ENTREP1: variants seen among roughly 807,000 people sequenced by gnomAD.
ENTREP1 encodes endosomal transmembrane epsin interactor 1.
At chr9:69,344,661 G>A in the ENTREP1 span, among the ~76,000 whole-genome samples, 3 of 152,148 alleles carry the variant, frequency 2.0e-5, no homozygotes, top group Non-Finnish European at 4.4e-5. Context: ...CTGTGAGCCC[G>A]TGACCTCTAC....
chr9:69,351,326 G>A, the ENTREP1 span, among the ~76,000 whole-genome samples: 1 of 152,056 alleles, frequency 6.6e-6, no homozygotes, highest in Non-Finnish European at 1.5e-5. Flanking sequence ...TGAGTATTTA[G>A]TGAGCTTTTG....
chr9:69,360,957 AGTATAG>A, the ENTREP1 span, among the ~76,000 whole-genome samples: 2 of 152,160 alleles, frequency 1.3e-5, no homozygotes, highest in African/African-American at 4.8e-5. Context: ...TTTTTAGCTA[AGTATAG>A]GATTCCAAAA....
At chr9:69,331,211 A>G in the ENTREP1 span, among the ~76,000 whole-genome samples, 1 of 152,350 alleles carries the variant, frequency 6.6e-6, no homozygotes, top group Non-Finnish European at 1.5e-5. Flanking sequence ...CATTTACAAC[A>G]TGGCTTTTTA....
At chr9:69,367,792 T>C in the ENTREP1 span, among the ~76,000 whole-genome samples, 9 of 43,068 alleles carry the variant, frequency 2.1e-4, no homozygotes, top group East Asian at 3.5e-3. Context: ...TATACACACA[T>C]ATATATAAAT....
chr9:69,339,940 A>G, the ENTREP1 span, among the ~76,000 whole-genome samples: 1 of 152,082 alleles, frequency 6.6e-6, no homozygotes, highest in Admixed American at 6.5e-5. Context: ...TATGTACCTT[A>G]CATTTGTTGC....
chr9:69,371,564 C>T, the ENTREP1 span: 1 of 1,613,892 alleles, frequency 6.2e-7, no homozygotes. Flanking sequence ...TTATCCTAGG[C>T]TGCCAAGGGG....
the ENTREP1 span, among the ~76,000 whole-genome samples, chr9:69,340,765 G>GTGTGCGTGCA: frequency 1.1e-4 from 13 of 121,930 alleles, no homozygotes; most frequent in Non-Finnish European, 1.8e-4. Flanking sequence ...GTGCGTGCAT[G>GTGTGCGTGCA]TGTGTGTGTG....
chr9:69,341,926 C>T, the ENTREP1 span, among the ~76,000 whole-genome samples: 5 of 151,812 alleles, frequency 3.3e-5, no homozygotes, highest in Non-Finnish European at 5.9e-5. Context: ...AGAGATTTTC[C>T]CAAGGTCTAA....
At chr9:69,358,874 G>A in the ENTREP1 span, among the ~76,000 whole-genome samples, 5 of 149,916 alleles carry the variant, frequency 3.3e-5, no homozygotes, top group South Asian at 4.2e-4. Context: ...CATTAATAAA[G>A]CCTTTTTTTT....
the ENTREP1 span, among the ~76,000 whole-genome samples, chr9:69,360,156 A>G: frequency 3.9e-5 from 6 of 152,120 alleles, no homozygotes. Context: ...ATTCCATTTT[A>G]TGCTTTAAAT....
At chr9:69,391,673 C>A in the ENTREP1 span, 1 of 1,614,162 alleles carries the variant, frequency 6.2e-7, no homozygotes, top group Non-Finnish European at 8.5e-7. Context: ...TGGCCTGCTG[C>A]ACCTCCAGAG....
chr9:69,325,608 T>G, the ENTREP1 span: 4 of 1,229,450 alleles, frequency 3.3e-6, no homozygotes, highest in Non-Finnish European at 4.1e-6. Context: ...CTGCTGTCAC[T>G]TGGGCTGCTT....
At chr9:69,377,203 A>G in the ENTREP1 span, among the ~76,000 whole-genome samples, 3 of 152,198 alleles carry the variant, frequency 2.0e-5, no homozygotes, top group Non-Finnish European at 1.5e-5. Context: ...GCCAGCATTT[A>G]TTTGGGCACT....
chr9:69,331,842 A>G, the ENTREP1 span, among the ~76,000 whole-genome samples: 2 of 152,154 alleles, frequency 1.3e-5, no homozygotes, highest in African/African-American at 4.8e-5. Context: ...TCATCGTGAT[A>G]CAGTTAAACA....
chr9:69,363,450 G>A, the ENTREP1 span, among the ~76,000 whole-genome samples: 1 of 152,190 alleles, frequency 6.6e-6, no homozygotes, highest in Admixed American at 6.5e-5. Flanking sequence ...GCTCCCAGCA[G>A]GAAACAGATG....
the ENTREP1 span, among the ~76,000 whole-genome samples, chr9:69,346,684 A>G: frequency 6.6e-6 from 1 of 152,182 alleles, no homozygotes; most frequent in African/African-American, 2.4e-5. Context: ...AAAACCGCTA[A>G]TGGCATTTAT....
At chr9:69,357,302 C>G in the ENTREP1 span, among the ~76,000 whole-genome samples, 3 of 152,114 alleles carry the variant, frequency 2.0e-5, no homozygotes, top group Admixed American at 2.0e-4. Context: ...AGTTGTGTCC[C>G]CAAATGATAA....
chr9:69,349,536 T>C, the ENTREP1 span, among the ~76,000 whole-genome samples: 1,585 of 152,318 alleles, frequency 0.01, 24 homozygotes, highest in African/African-American at 0.036. Context: ...TATGTGTGTA[T>C]TGGCCATTTG....
chr9:69,351,388 T>TTGATGATGATGATGATGATGA, the ENTREP1 span, among the ~76,000 whole-genome samples: 1 of 151,342 alleles, frequency 6.6e-6, no homozygotes, highest in Non-Finnish European at 1.5e-5. Context: ...TCTTATTTCC[T>TTGATGATGATGATGATGATGA]TGATGATGAT....
Sources: allele counts gnomAD v4.1 joint callset (sites outside exome capture counted in the v4.1 genomes callset), GRCh38; gene constraint gnomAD v4.1.1; transcripts MANE v1.5; gene names NCBI Gene and HGNC (gene_info 2026-07-23, HGNC 2026-07-21).